Variants in SUPT3H observed in about 807,000 individuals in gnomAD.
The protein encoded by SUPT3H is transcription initiation protein SPT3 homolog.
In SUPT3H, 44 loss-of-function variants were observed where a neutral mutation model predicts 44.3. The ratio of observed to expected loss-of-function variants is 0.99; its 90% CI spans 0.78 to 1.28. The LOEUF is 1.28. SUPT3H is among the 50% of genes most tolerant of loss of function. SUPT3H has a pLI of 0.00. For synonymous variants in SUPT3H, 124 were observed against 125.6 expected, an observed-to-expected ratio of 0.99 and a Z score of 0.09; for missense variants, 380 against 387.1, an observed-to-expected ratio of 0.98 and a Z score of 0.15.
intron 3 of SUPT3H, among the ~76,000 whole-genome samples, chr6:45,040,994 C>T (rs921094357): frequency 2.0e-5 from 3 of 152,034 alleles, no homozygotes; most frequent in Non-Finnish European, 4.4e-5. Flanking sequence ...TCTATCTTGT[C>T]CTAGAGAAGC....
intron 10 of SUPT3H, among the ~76,000 whole-genome samples, chr6:44,864,513 G>A (rs1278024277): frequency 6.6e-6 from 1 of 152,202 alleles, no homozygotes; most frequent in African/African-American, 2.4e-5. Context: ...TGGACATCCA[G>A]GTATTTCCCT....
chr6:45,161,862 C>A (rs1562581012), intron 2 of SUPT3H, among the ~76,000 whole-genome samples: 1 of 152,096 alleles, frequency 6.6e-6, no homozygotes, highest in Non-Finnish European at 1.5e-5. Context: ...CTATTTAATT[C>A]AAATGTCTTT....
intron 2 of SUPT3H, among the ~76,000 whole-genome samples, chr6:45,241,453 G>A (rs1770307616): frequency 6.6e-6 from 1 of 152,198 alleles, no homozygotes; most frequent in Admixed American, 6.5e-5. Flanking sequence ...ACTAGCCAGA[G>A]CCCATCCCTT....
intron 10 of SUPT3H, among the ~76,000 whole-genome samples, chr6:44,831,187 C>G (rs647239): frequency 0.99 from 150,001 of 152,268 alleles, 73,937 homozygotes; most frequent in East Asian, 1. Context: ...AATTTCTTTG[C>G]TTAGTTATGC....
At chr6:44,953,117 C>G (rs1462390701) in intron 9 of SUPT3H, among the ~76,000 whole-genome samples, 193 bp downstream of exon 9, 4 of 152,148 alleles carry the variant, frequency 2.6e-5, no homozygotes, top group Admixed American at 1.3e-4. Context: ...AAGTCATTGT[C>G]TTAAGTGGAC....
Position 45,190,396 on chromosome 6 carries a change from C to T in SUPT3H, c.102-84390G>A, listed in dbSNP as rs536002088. ...GCAAAGCTTCCCAAAGCAACACACA[C>T]CAAGAATAAGATAAACCAAAAACCT... On this transcript the variant is annotated intron_variant, in intron 2 of 10. Transcript: ENST00000371459. Among the ~76,000 whole-genome samples, 5 of 152,038 alleles carry T rather than the reference C, an allele frequency of 3.3e-5. No homozygotes were observed. The East Asian group carries it at 9.7e-4, about 29-fold the overall frequency.
At chr6:45,271,987 C>G (rs550198418) in intron 2 of SUPT3H, among the ~76,000 whole-genome samples, 1 of 152,144 alleles carries the variant, frequency 6.6e-6, no homozygotes, top group Non-Finnish European at 1.5e-5. Context: ...GGGCCTGTAG[C>G]CCCTTTGTTT....
At chr6:45,374,090 G>C (rs1006960154) in intron 1 of SUPT3H, among the ~76,000 whole-genome samples, 1 of 152,140 alleles carries the variant, frequency 6.6e-6, no homozygotes, top group African/African-American at 2.4e-5. Flanking sequence ...TGAGAAAGCG[G>C]GATGAGGATG....
intron 10 of SUPT3H, among the ~76,000 whole-genome samples, chr6:44,832,399 C>CTAGTT (rs1768976258): frequency 6.6e-6 from 1 of 152,106 alleles, no homozygotes; most frequent in Non-Finnish European, 1.5e-5. Flanking sequence ...ACAGACACTC[C>CTAGTT]TAGTTAGTAA....
At chr6:45,150,808 C>T (rs1806841612) in intron 2 of SUPT3H, among the ~76,000 whole-genome samples, 2 of 149,994 alleles carry the variant, frequency 1.3e-5, no homozygotes. Context: ...CTGCAACCTC[C>T]GCCTGCCATG....
chr6:45,264,337 C>T (rs1445317585), intron 2 of SUPT3H, among the ~76,000 whole-genome samples: 1 of 152,060 alleles, frequency 6.6e-6, no homozygotes, highest in Non-Finnish European at 1.5e-5. Flanking sequence ...GTTCACCAGC[C>T]AGTCATTTTT....
At chr6:45,218,016 CAG>C (rs1441221096) in intron 2 of SUPT3H, among the ~76,000 whole-genome samples, 1 of 151,830 alleles carries the variant, frequency 6.6e-6, no homozygotes, top group Non-Finnish European at 1.5e-5. Context: ...GGAAAATAAA[CAG>C]AAAACAATAA....
At chr6:44,886,374 C>T (rs1026099542) in intron 10 of SUPT3H, among the ~76,000 whole-genome samples, 7 of 152,060 alleles carry the variant, frequency 4.6e-5, no homozygotes, top group South Asian at 2.1e-4. Flanking sequence ...AGAGAAAGGT[C>T]GGGTTACCCA....
intron 10 of SUPT3H, among the ~76,000 whole-genome samples, chr6:44,835,815 G>C (rs1561857515): frequency 6.6e-6 from 1 of 151,918 alleles, no homozygotes; most frequent in East Asian, 1.9e-4. Context: ...TCTCTCTTCT[G>C]GTAGAAGAGA....
chr6:45,109,484 T>A (rs1400317438), intron 2 of SUPT3H, among the ~76,000 whole-genome samples: 16 of 151,700 alleles, frequency 1.1e-4, no homozygotes, highest in Admixed American at 6.6e-5. Flanking sequence ...TAAGCTTTTA[T>A]GAGAAAGTTA....
At chr6:45,244,264 T>C (rs1023739590) in intron 2 of SUPT3H, among the ~76,000 whole-genome samples, 1 of 152,144 alleles carries the variant, frequency 6.6e-6, no homozygotes, top group Admixed American at 6.6e-5. Context: ...CAATCACAAA[T>C]CTTTTTCCTA....
At chr6:45,082,846 A>G (rs966824995) in intron 3 of SUPT3H, among the ~76,000 whole-genome samples, 4 of 152,196 alleles carry the variant, frequency 2.6e-5, no homozygotes, top group African/African-American at 9.6e-5. Flanking sequence ...CTCTCTTCAG[A>G]GACAATAGGA....
intron 3 of SUPT3H, among the ~76,000 whole-genome samples, chr6:45,073,822 G>A (rs1231028388): frequency 6.6e-6 from 1 of 151,994 alleles, no homozygotes; most frequent in Non-Finnish European, 1.5e-5. Flanking sequence ...GTGAGAATAG[G>A]AGGAGGGATA....
At chr6:45,014,261 T>C (rs1334882805) in intron 5 of SUPT3H, among the ~76,000 whole-genome samples, 1 of 152,108 alleles carries the variant, frequency 6.6e-6, no homozygotes, top group Non-Finnish European at 1.5e-5. Context: ...CAAACTAATA[T>C]GATGGTTTAG....
Sources: gnomAD v4.1 joint callset for allele counts (sites outside exome capture counted in the v4.1 genomes callset) on GRCh38, gnomAD v4.1.1 for gene constraint, MANE v1.5 for transcripts, NCBI Gene and HGNC (gene_info 2026-07-23, HGNC 2026-07-21) for gene names.